Variants in MAP2 observed in about 807,000 individuals in gnomAD.
MAP2 encodes the protein microtubule associated protein 2.
In MAP2, 14 loss-of-function variants were observed where a neutral mutation model predicts 137.6. That is an observed-to-expected ratio of 0.10 (90% CI 0.07 to 0.16). The LOEUF is 0.16. Ranked by LOEUF, MAP2 falls within the 10% of genes least tolerant of loss-of-function variation. The pLI, the probability that MAP2 is intolerant of heterozygous loss-of-function variation, is 1.00. For synonymous variants in MAP2, 786 were observed against 782.3 expected, an observed-to-expected ratio of 1.00 and a Z score of -0.08; for missense variants, 2,088 against 2,191.5, an observed-to-expected ratio of 0.95 and a Z score of 0.94.
chr2:209,464,813 TC>T (rs1402469541), intron 1 of MAP2, among the ~76,000 whole-genome samples: 1 of 152,092 alleles, frequency 6.6e-6, no homozygotes, highest in African/African-American at 2.4e-5. Flanking sequence ...TTGCCTGTGT[TC>T]CCCCAAAACT....
chr2:209,715,619 A>G (rs1220020680), intron 13 of MAP2, among the ~76,000 whole-genome samples: 3 of 152,228 alleles, frequency 2.0e-5, no homozygotes, highest in Non-Finnish European at 4.4e-5. Flanking sequence ...ATTTCTGATA[A>G]GATGGCTAGG....
At chr2:209,476,231 T>C (rs992336232) in intron 1 of MAP2, among the ~76,000 whole-genome samples, 71 of 152,126 alleles carry the variant, frequency 4.7e-4, no homozygotes, top group African/African-American at 1.6e-3. Flanking sequence ...CTCAAAGTGA[T>C]AGCAGTCACT....
intron 1 of MAP2, among the ~76,000 whole-genome samples, chr2:209,506,758 T>G (rs35781477): frequency 0.059 from 8,922 of 152,256 alleles, 300 homozygotes; most frequent in South Asian, 0.092. Flanking sequence ...ATTGTCTTAT[T>G]TGAACTTTGC....
At chr2:209,652,840 G>GT (rs564592031) in intron 4 of MAP2, among the ~76,000 whole-genome samples, 4 of 151,546 alleles carry the variant, frequency 2.6e-5, no homozygotes, top group Non-Finnish European at 5.9e-5. Context: ...CCAAACACTA[G>GT]TTTTTTTTCA....
In MAP2 at chr2:209,731,977, A is replaced by G. The variant is rs963002240; in HGVS notation, c.*1580A>G. Reference sequence around the variant, plus strand: ...TCACAAATCAATTAGTTCCTCTCACAAATCATTCATCTTAGACTTACAAAT... The same window carrying G: ...TCACAAATCAATTAGTTCCTCTCACGAATCATTCATCTTAGACTTACAAAT... On this transcript the variant is annotated 3_prime_UTR_variant, in exon 16 of 16. Coordinates refer to ENST00000682079, the MANE Select transcript of MAP2 (RefSeq NM_001375505.1). 6.6e-6 allele frequency: 1 copy of G among 152,220 alleles called. No individual in the cohort carries two copies. The highest frequency in any genetic ancestry group is 1.5e-5 in the Non-Finnish European group (1 of 68,046). 9.4% of individuals were successfully genotyped at this position (152,220 alleles called of 1,614,324 possible). A position where few individuals can be genotyped will look rare whatever the true frequency, so the allele number is the denominator to read the frequency against.
chr2:209,605,101 T>C (rs1288117995), intron 3 of MAP2, among the ~76,000 whole-genome samples: 2 of 152,124 alleles, frequency 1.3e-5, no homozygotes, highest in Non-Finnish European at 2.9e-5. Context: ...AAAAAAATAT[T>C]TATATAAAGG....
intron 3 of MAP2, among the ~76,000 whole-genome samples, chr2:209,584,802 C>T (rs1317775896): frequency 6.6e-6 from 1 of 152,046 alleles, no homozygotes; most frequent in Non-Finnish European, 1.5e-5. Flanking sequence ...AGTTCATATA[C>T]AGAGTAGAAC....
chr2:209,725,910 C>T (rs2073770918), intron 14 of MAP2, 120 bp downstream of exon 14: 1 of 563,424 alleles, frequency 1.8e-6, no homozygotes, highest in East Asian at 3.3e-5. Context: ...ATGGGTACTT[C>T]ACATTTTTAT....
At chr2:209,500,458 A>T (rs17316313) in intron 1 of MAP2, among the ~76,000 whole-genome samples, 2 of 152,056 alleles carry the variant, frequency 1.3e-5, no homozygotes, top group Non-Finnish European at 2.9e-5. Flanking sequence ...ATCTCCACCT[A>T]TCAAAATCCC....
chr2:209,554,924 T>C (rs1243287677), intron 2 of MAP2, among the ~76,000 whole-genome samples: 1 of 147,962 alleles, frequency 6.8e-6, no homozygotes, highest in East Asian at 1.9e-4. Context: ...ACACATTTTA[T>C]GTATCTATCA....
chr2:209,600,752 C>T (rs920040388), intron 3 of MAP2, among the ~76,000 whole-genome samples: 1 of 152,174 alleles, frequency 6.6e-6, no homozygotes, highest in Non-Finnish European at 1.5e-5. Flanking sequence ...TGGGAGTCAG[C>T]GGCCTTGAAT....
chr2:209,424,145 C>A lies in MAP2; in HGVS notation c.-353C>A. The A allele has an allele frequency of 7.3e-6, 1 of 136,118 alleles. No homozygotes were observed. The highest frequency in any genetic ancestry group is 2.1e-4 in the South Asian group (1 of 4,712). The allele number at this position is 136,118 out of a possible 1,614,324, so 8.4% of individuals were successfully genotyped here. ...TACTTCCCTTCCGCTTCTTTCTCTT[C>A]CTTCTCCTTCTTTTTCCCCCCCCTC... On this transcript the variant is annotated 5_prime_UTR_variant, in exon 1 of 16. Coordinates refer to ENST00000682079, the MANE Select transcript of MAP2 (RefSeq NM_001375505.1).
intron 1 of MAP2, among the ~76,000 whole-genome samples, chr2:209,501,870 T>A (rs1313610169): frequency 6.6e-6 from 1 of 151,990 alleles, no homozygotes; most frequent in Non-Finnish European, 1.5e-5. Flanking sequence ...CTCCTTAAGA[T>A]AAGAAAAGCA....
chr2:209,644,356 GT>G (rs545950452), intron 4 of MAP2, among the ~76,000 whole-genome samples: 287 of 152,124 alleles, frequency 1.9e-3, no homozygotes, highest in African/African-American at 6.5e-3. Context: ...CCAGTAGTTT[GT>G]TTTACTTGGT....
chr2:209,502,574 A>G (rs182653207), intron 1 of MAP2, among the ~76,000 whole-genome samples: 10 of 152,332 alleles, frequency 6.6e-5, no homozygotes, highest in Admixed American at 6.5e-4. Flanking sequence ...TCTTCAAGGT[A>G]CCGACTTCAT....
At chr2:209,559,362 G>A (rs1009504044) in intron 2 of MAP2, among the ~76,000 whole-genome samples, 1 of 151,546 alleles carries the variant, frequency 6.6e-6, no homozygotes, top group African/African-American at 2.4e-5. Context: ...CACTGGGCGT[G>A]GTGGCTCACA....
At chr2:209,448,091 A>G (rs1257945847) in intron 1 of MAP2, among the ~76,000 whole-genome samples, 5 of 152,134 alleles carry the variant, frequency 3.3e-5, no homozygotes, top group African/African-American at 4.8e-5. Flanking sequence ...ATCCTTCACC[A>G]TGTAATATAC....
intron 1 of MAP2, among the ~76,000 whole-genome samples, chr2:209,476,143 T>G (rs1379737460): frequency 2.6e-5 from 4 of 152,036 alleles, no homozygotes; most frequent in African/African-American, 7.2e-5. Context: ...ACTTTAAAAA[T>G]GGGTATGAAT....
intron 1 of MAP2, among the ~76,000 whole-genome samples, chr2:209,446,390 A>G (rs1038972828): frequency 9.2e-5 from 14 of 151,866 alleles, no homozygotes; most frequent in African/African-American, 3.4e-4. Flanking sequence ...AAAGATCCCA[A>G]GGGTAGCTTG....
Sources: allele counts gnomAD v4.1 joint callset (sites outside exome capture counted in the v4.1 genomes callset), GRCh38; gene constraint gnomAD v4.1.1; transcripts MANE v1.5; gene names NCBI Gene and HGNC (gene_info 2026-07-23, HGNC 2026-07-21).